Variants in BDP1 observed in about 807,000 individuals in gnomAD.
BDP1 encodes the protein transcription factor TFIIIB component B'' homolog.
BDP1 carries 169 observed loss-of-function variants against 266.6 expected under a neutral mutation model. That is an observed-to-expected ratio of 0.63 (90% CI 0.56 to 0.72). The LOEUF (loss-of-function observed/expected upper bound fraction) is 0.72. Ranked by LOEUF, BDP1 falls within the 30% of genes least tolerant of loss-of-function variation. BDP1 has a pLI of 0.00. For missense variants in BDP1, 3,015 were observed against 3,053.8 expected, an observed-to-expected ratio of 0.99 and a Z score of 0.30; for synonymous variants, 1,090 against 1,022.4, an observed-to-expected ratio of 1.07 and a Z score of -1.26.
chr5:71,458,475 A>G, intron 1 of BDP1, 104 bp from the exon 2 acceptor site: 2 of 815,004 alleles, frequency 2.5e-6, no homozygotes, highest in Non-Finnish European at 3.7e-6. Context: ...TTTTTTTTTT[A>G]ATTACGAGAT....
chr5:71,568,337 G>A (rs1277211464), downstream of BDP1, among the ~76,000 whole-genome samples: 4 of 152,094 alleles, frequency 2.6e-5, no homozygotes, highest in African/African-American at 7.2e-5. Flanking sequence ...GCAGTCTTAC[G>A]GGCTACCCAG....
chr5:71,547,769 G>A (rs1742441712), intron 32 of BDP1, among the ~76,000 whole-genome samples: 1 of 152,190 alleles, frequency 6.6e-6, no homozygotes, highest in African/African-American at 2.4e-5. Flanking sequence ...CCAACATGGT[G>A]AAACTCTGTC....
At position 71,566,045 on chromosome 5, in the gene BDP1, A is replaced by G. The variant is rs1364545791; in HGVS notation, c.*1160A>G. 4.7e-6 allele frequency: 1 copy of G among 212,550 alleles called. No individual in the cohort carries two copies. Among genetic ancestry groups the G allele is most frequent in the Non-Finnish European group, 1.0e-5 (1 of 96,696 alleles). 13.2% of individuals were successfully genotyped at this position (212,550 alleles called of 1,614,324 possible). ...TTTAATTTTAAAGATATTTAAAATG[A>G]TATAACTAAAAATGTTTAGCTGGTG... On this transcript the variant is annotated 3_prime_UTR_variant, in exon 39 of 39. Transcript: ENST00000358731.
chr5:71,555,500 C>T (rs934965265), intron 35 of BDP1, among the ~76,000 whole-genome samples: 1 of 149,804 alleles, frequency 6.7e-6, no homozygotes, highest in Non-Finnish European at 1.5e-5. Context: ...AGTGCAATAG[C>T]GTGATCTCAG....
intron 13 of BDP1, among the ~76,000 whole-genome samples, chr5:71,499,544 G>A (rs560299221): frequency 1.2e-4 from 19 of 152,178 alleles, no homozygotes; most frequent in African/African-American, 2.6e-4. Flanking sequence ...ACTTGTACCC[G>A]GAAGGGAAGA....
chr5:71,548,820 A>C (rs993035354), intron 33 of BDP1, 75 bp downstream of exon 33: 15 of 1,062,046 alleles, frequency 1.4e-5, no homozygotes, highest in Non-Finnish European at 2.0e-5. Flanking sequence ...ACTATGGAAA[A>C]ACATAAAACA....
intron 34 of BDP1, among the ~76,000 whole-genome samples, chr5:71,552,492 G>A (rs1302558503): frequency 2.0e-5 from 3 of 152,202 alleles, no homozygotes; most frequent in South Asian, 2.1e-4. Context: ...AGGCTGTAGC[G>A]AGCCGAGATC....
chr5:71,474,847 A>G (rs1041949852), intron 7 of BDP1, among the ~76,000 whole-genome samples: 6 of 109,570 alleles, frequency 5.5e-5, no homozygotes, highest in East Asian at 2.5e-4. Flanking sequence ...ACTCTGTCTG[A>G]AAAAAAAAAA....
chr5:71,506,445 G>A (rs1764581163), intron 16 of BDP1, among the ~76,000 whole-genome samples: 1 of 152,058 alleles, frequency 6.6e-6, no homozygotes, highest in Non-Finnish European at 1.5e-5. Flanking sequence ...TGCTATGTAA[G>A]AGAGATAGTA....
intron 24 of BDP1, among the ~76,000 whole-genome samples, chr5:71,523,192 A>G (rs983675018): frequency 3.3e-5 from 5 of 152,220 alleles, no homozygotes; most frequent in African/African-American, 1.2e-4. Context: ...AAGAAACTTA[A>G]GTTCTAGAAA....
chr5:71,548,742 A>G lies in BDP1; in HGVS notation c.6805A>G (p.Thr2269Ala), dbSNP rs200406833. The G allele has an allele frequency of 1.0e-5, 16 of 1,592,998 alleles. No individual in the cohort carries two copies. The African/African-American group carries it at 1.6e-4, about 16-fold the overall frequency. Residue 2269 changes from threonine (T) to alanine (A), a missense_variant, in exon 33 of 39, where the codon ACA becomes GCA. Physicochemically the swap from Thr to Ala is moderately conservative, Grantham distance 58 (BLOSUM62 0). Coordinates refer to ENST00000358731, the MANE Select transcript of BDP1 (RefSeq NM_018429.3). ...QENIINPQDLTVNLVANVPQD... is the reference protein window; with the variant it reads ...QENIINPQDLAVNLVANVPQD... ...GAATATAATCAATCCTCAAGACCTA[A>G]CAGGTATGATAATATGCTTCAGTGA...
intron 7 of BDP1, among the ~76,000 whole-genome samples, chr5:71,474,145 A>G (rs1373702530): frequency 1.3e-5 from 2 of 151,040 alleles, no homozygotes; most frequent in Non-Finnish European, 1.5e-5. Flanking sequence ...ATGCCCAGCT[A>G]ATTTTTTTGT....
In BDP1 at chr5:71,544,458, C is replaced by G; in HGVS notation, c.6514C>G (p.His2172Asp). 8 of 1,614,056 alleles carry G rather than the reference C, an allele frequency of 5.0e-6. No homozygotes were observed. The highest frequency in any genetic ancestry group is 6.8e-6 in the Non-Finnish European group (8 of 1,179,964). ...GGATCAGAGCAAATTGGCATGTGTA[C>G]ATGGTATCAAAGGGACCAGTATTTC... ...NKDQSKLACV[H>D]GIKGTSISSE... The change falls in exon 31 of 39, where the codon CAT (histidine) becomes GAT (aspartate). Residue 2172 changes from histidine to aspartate, a missense_variant. By Grantham distance (81) the His-to-Asp change is moderately conservative. Transcript: ENST00000358731.
chr5:71,568,042 T>C (rs561271337), downstream of BDP1, among the ~76,000 whole-genome samples: 2 of 152,114 alleles, frequency 1.3e-5, no homozygotes, highest in South Asian at 4.2e-4. Flanking sequence ...CTCAGGAGGC[T>C]GGGATGAGAG....
At chr5:71,516,879 C>T (rs1053341571) in intron 21 of BDP1, among the ~76,000 whole-genome samples, 5 of 151,616 alleles carry the variant, frequency 3.3e-5, no homozygotes, top group Admixed American at 3.3e-4. Context: ...TTTATTTGAA[C>T]CAAAAAGCTC....
chr5:71,482,429 A>G (rs543040927), intron 7 of BDP1, among the ~76,000 whole-genome samples: 1 of 152,236 alleles, frequency 6.6e-6, no homozygotes, highest in South Asian at 2.1e-4. Context: ...TAATTGATGC[A>G]TATATTTTGT....
chr5:71,470,373 T>G (rs1275078416), intron 6 of BDP1, 22 bp from the exon 7 acceptor site: 1 of 1,489,976 alleles, frequency 6.7e-7, no homozygotes, highest in South Asian at 1.2e-5. Context: ...TTTCAATCAT[T>G]CTAAATCTTT....
intron 25 of BDP1, among the ~76,000 whole-genome samples, chr5:71,529,991 T>C (rs1210389162): frequency 6.6e-6 from 1 of 152,252 alleles, no homozygotes; most frequent in Non-Finnish European, 1.5e-5. Flanking sequence ...AATGTGGTGA[T>C]GATTGCACAT....
intron 16 of BDP1, among the ~76,000 whole-genome samples, chr5:71,508,911 A>G (rs1764737077): frequency 6.6e-6 from 1 of 152,222 alleles, no homozygotes; most frequent in Non-Finnish European, 1.5e-5. Context: ...ATGTTATGAA[A>G]TAACAAGCCT....
Sources: allele counts gnomAD v4.1 joint callset (sites outside exome capture counted in the v4.1 genomes callset), GRCh38; gene constraint gnomAD v4.1.1; transcripts MANE v1.5; gene names NCBI Gene and HGNC (gene_info 2026-07-23, HGNC 2026-07-21).